Variants in PTPRT observed in about 807,000 individuals in gnomAD.
PTPRT encodes protein tyrosine phosphatase receptor type T.
A neutral mutation model predicts 176.8 loss-of-function variants in PTPRT; 56 were observed. The observed-to-expected ratio is 0.32, with a 90% CI of 0.26 to 0.40. The LOEUF (loss-of-function observed/expected upper bound fraction) is 0.40, where lower values mean the gene tolerates loss of function less well. Among genes scored for constraint, PTPRT ranks in the 10% least tolerant of loss-of-function variants. The pLI, the probability that PTPRT is intolerant of heterozygous loss-of-function variation, is 1.00. For missense variants in PTPRT, 1,540 were observed against 1,908.2 expected, an observed-to-expected ratio of 0.81 and a Z score of 3.60; for synonymous variants, 783 against 739.0, an observed-to-expected ratio of 1.06 and a Z score of -0.96.
chr20:42,621,063 C>T (rs1040807691), intron 7 of PTPRT, among the ~76,000 whole-genome samples: 2 of 152,074 alleles, frequency 1.3e-5, no homozygotes, highest in African/African-American at 2.4e-5. Flanking sequence ...TCAATCATCT[C>T]CCACCAGGTC....
Position 42,212,301 on chromosome 20 carries a change from T to TA in PTPRT, c.2343-12914dup, listed in dbSNP as rs763081026. Among the ~76,000 whole-genome samples, 350 of 52,906 alleles carry TA rather than the reference T, an allele frequency of 6.6e-3. 3 individuals carry two copies. Among genetic ancestry groups the TA allele is most frequent in the South Asian group, 0.03 (34 of 1,122 alleles). The allele number at this position is 52,906 out of a possible 152,430, so 34.7% of individuals were successfully genotyped here. On this transcript the variant is annotated intron_variant, in intron 15 of 30. Coordinates refer to ENST00000373187, the MANE Select transcript of PTPRT (RefSeq NM_007050.6). ...CACATGTACCCTAAAACTTAAAGTA[T>TA]AAAAAAAAAAAAAAGACAAAAAAAA...
intron 1 of PTPRT, among the ~76,000 whole-genome samples, chr20:42,919,461 C>T (rs1979002902): frequency 6.6e-6 from 1 of 152,140 alleles, no homozygotes; most frequent in Non-Finnish European, 1.5e-5. Context: ...GTGGGGCTGC[C>T]CCAGAGATGC....
chr20:43,132,768 G>A (rs906519701), intron 1 of PTPRT, among the ~76,000 whole-genome samples: 4 of 152,140 alleles, frequency 2.6e-5, no homozygotes, highest in African/African-American at 4.8e-5. Context: ...ATATAAGCTA[G>A]AAGAGGTATT....
In PTPRT at chr20:42,363,834, C is replaced by T. The variant is rs558138061; in HGVS notation, c.1561-11549G>A. 1.4e-3 allele frequency among the ~76,000 whole-genome samples: 207 copies of T among 152,174 alleles called. 3 individuals carry two copies. The highest frequency in any genetic ancestry group is 1.2e-3 in the Admixed American group (19 of 15,274). ...AGAGGCAGAGGCAGGCTTGGAACCC[C>T]GGCAGTATGAATCTAGAATCCACCT... On this transcript the variant is annotated intron_variant, in intron 9 of 30. Coordinates refer to ENST00000373187, the MANE Select transcript of PTPRT (RefSeq NM_007050.6).
chr20:42,448,427 AC>A, intron 8 of PTPRT, 98 bp from the exon 9 acceptor site: 1 of 870,086 alleles, frequency 1.1e-6, no homozygotes, highest in Non-Finnish European at 1.9e-6. Flanking sequence ...GCTGTAAAGA[AC>A]CAGATAGTAA....
intron 2 of PTPRT, among the ~76,000 whole-genome samples, chr20:42,873,359 TA>T (rs1322994349): frequency 6.6e-6 from 1 of 152,200 alleles, no homozygotes; most frequent in African/African-American, 2.4e-5. Flanking sequence ...TTGTGAACCA[TA>T]AAGGAAACAA....
chr20:43,134,946 C>G lies in PTPRT; in HGVS notation c.88+54700G>C, dbSNP rs146602976. Among the ~76,000 whole-genome samples, 344 of 152,280 alleles carry G rather than the reference C, an allele frequency of 2.3e-3. 1 individual carries two copies. Among genetic ancestry groups the G allele is most frequent in the Admixed American group, 5.4e-3 (82 of 15,300 alleles). Reference sequence around the variant, plus strand: ...GCCTTGTAGGGCACGTACCAGCATCCCTGGCCTCAACCTGTTCACGCCAGT... The same window carrying G: ...GCCTTGTAGGGCACGTACCAGCATCGCTGGCCTCAACCTGTTCACGCCAGT... On this transcript the variant is annotated intron_variant, in intron 1 of 30. Transcript: ENST00000373187.
In PTPRT at chr20:42,161,554, A is replaced by G. The variant is rs369091574; in HGVS notation, c.2492-12T>C. On this transcript the variant is annotated splice_polypyrimidine_tract_variant and intron_variant, in intron 16 of 30. Transcript: ENST00000373187. The stretch of plus-strand genomic sequence containing the variant: ...GCGGCTGCCATCTGCTTCGAAAAGA[A>G]GGAGGCAGAACAGATCATCACCTAT... 2.0e-5 allele frequency: 32 copies of G among 1,594,080 alleles called. No individual in the cohort carries two copies. In the African/African-American group the frequency reaches 3.9e-4, roughly 19 times the overall value.
intron 23 of PTPRT, among the ~76,000 whole-genome samples, chr20:42,108,656 C>T (rs75265390): frequency 1.1e-4 from 2 of 18,896 alleles, no homozygotes; most frequent in East Asian, 1.5e-3. Flanking sequence ...AATATGAAAA[C>T]AAACAAACAT....
At chr20:42,457,377 T>A (rs1014180921) in intron 8 of PTPRT, among the ~76,000 whole-genome samples, 3 of 152,232 alleles carry the variant, frequency 2.0e-5, no homozygotes, top group Admixed American at 6.5e-5. Flanking sequence ...TTACTGAGCA[T>A]GCGTATTAGT....
intron 7 of PTPRT, among the ~76,000 whole-genome samples, chr20:42,573,367 G>A (rs1040654789): frequency 6.6e-6 from 1 of 152,118 alleles, no homozygotes; most frequent in African/African-American, 2.4e-5. Context: ...ATGATGGTCT[G>A]GATAAGATAC....
chr20:42,968,569 G>A (rs1034507165), intron 1 of PTPRT, among the ~76,000 whole-genome samples: 2 of 152,172 alleles, frequency 1.3e-5, no homozygotes, highest in Non-Finnish European at 2.9e-5. Context: ...GGGCTCCATG[G>A]GGCAAATCAA....
At chr20:43,151,599 C>T (rs1179084707) in intron 1 of PTPRT, among the ~76,000 whole-genome samples, 1 of 151,964 alleles carries the variant, frequency 6.6e-6, no homozygotes, top group Non-Finnish European at 1.5e-5. Flanking sequence ...TGGTGGCTCA[C>T]ATCTGCAATC....
At chr20:42,623,295 C>T (rs1489675532) in intron 7 of PTPRT, among the ~76,000 whole-genome samples, 1 of 152,166 alleles carries the variant, frequency 6.6e-6, no homozygotes, top group Non-Finnish European at 1.5e-5. Context: ...CAGACACCCA[C>T]CCTTAGAGAC....
chr20:42,460,993 G>T (rs916847484), intron 8 of PTPRT, among the ~76,000 whole-genome samples: 2 of 151,902 alleles, frequency 1.3e-5, no homozygotes, highest in Non-Finnish European at 2.9e-5. Context: ...GATCACCTTG[G>T]GTAACACAAT....
At chr20:42,168,729 A>G (rs1406096109) in intron 16 of PTPRT, among the ~76,000 whole-genome samples, 1 of 152,202 alleles carries the variant, frequency 6.6e-6, no homozygotes, top group African/African-American at 2.4e-5. Context: ...TCCTTGTTGA[A>G]GCATAAGATG....
intron 1 of PTPRT, among the ~76,000 whole-genome samples, chr20:43,106,840 G>C (rs866036450): frequency 1.3e-5 from 2 of 151,980 alleles, no homozygotes; most frequent in African/African-American, 2.4e-5. Context: ...GCCTAGGCTA[G>C]AGTGCAATGG....
chr20:43,176,731 T>C (rs142443292), intron 1 of PTPRT, among the ~76,000 whole-genome samples: 1 of 152,354 alleles, frequency 6.6e-6, no homozygotes, highest in African/African-American at 2.4e-5. Flanking sequence ...AACATGTGGA[T>C]TTGCAGATGC....
chr20:42,052,152 AC>A, the PTPRT span, among the ~76,000 whole-genome samples: 4 of 152,198 alleles, frequency 2.6e-5, no homozygotes, highest in African/African-American at 9.6e-5. Flanking sequence ...GCACAGACAG[AC>A]CAGGCCTGGC....
Sources: allele counts gnomAD v4.1 joint callset (sites outside exome capture counted in the v4.1 genomes callset), GRCh38; gene constraint gnomAD v4.1.1; transcripts MANE v1.5; gene names NCBI Gene and HGNC (gene_info 2026-07-23, HGNC 2026-07-21).